CRYZL1: variants seen among roughly 807,000 people sequenced by gnomAD.
The protein encoded by CRYZL1 is ferry endosomal RAB5 effector complex subunit 4.
Under a neutral mutation model 50.6 loss-of-function variants are expected in CRYZL1, and 34 were observed. The ratio of observed to expected loss-of-function variants is 0.67; its 90% confidence interval spans 0.51 to 0.89. The LOEUF (loss-of-function observed/expected upper bound fraction) is 0.89, where lower values mean the gene tolerates loss of function less well. Ranked by LOEUF, CRYZL1 falls within the 40% of genes least tolerant of loss-of-function variation. CRYZL1 has a pLI of 0.00. For synonymous variants in CRYZL1, 125 were observed against 134.3 expected (o/e 0.93, Z 0.48); for missense variants, 354 against 402.3 (o/e 0.88, Z 1.03).
intron 4 of CRYZL1, among the ~76,000 whole-genome samples, chr21:33,617,784 A>G (rs567072883): frequency 6.6e-6 from 1 of 152,306 alleles, no homozygotes; most frequent in East Asian, 1.9e-4. Context: ...CGGTTAGGAC[A>G]GGGGTCGATC....
chr21:33,608,347 C>T (rs1317795482), intron 6 of CRYZL1, among the ~76,000 whole-genome samples: 2 of 152,000 alleles, frequency 1.3e-5, no homozygotes, highest in Non-Finnish European at 2.9e-5. Flanking sequence ...CCCAGCTACT[C>T]GGGAGGCTGA....
chr21:33,641,120 G>C, intron 1 of CRYZL1: 1 of 1,547,322 alleles, frequency 6.5e-7, no homozygotes, highest in Non-Finnish European at 8.7e-7. Context: ...GCACCTGGGA[G>C]CTTCTTAGAA....
intron 2 of CRYZL1, among the ~76,000 whole-genome samples, chr21:33,627,751 T>G (rs1010946831): frequency 4.8e-5 from 7 of 145,508 alleles, no homozygotes; most frequent in African/African-American, 7.7e-5. Context: ...TTTTTTTTTT[T>G]TTTTTTTTTT....
chr21:33,635,031 A>C (rs2087188409), intron 1 of CRYZL1, among the ~76,000 whole-genome samples: 1 of 152,038 alleles, frequency 6.6e-6, no homozygotes, highest in African/African-American at 2.4e-5. Context: ...GGGAACAAAA[A>C]TATCCTTAAA....
Position 33,631,559 on chromosome 21 carries a change from TA to T in CRYZL1, c.-6-3del. On this transcript the variant is annotated splice_region_variant and splice_polypyrimidine_tract_variant and intron_variant, in intron 1 of 12. Transcript: ENST00000381554. ...GAAATATAAGCCTTTCATAGTCACC[TA>T]AAAATAAATATATATAAATGAAATA... The T allele has an allele frequency of 6.9e-7, 1 of 1,459,182 alleles. No homozygotes were observed. The highest frequency in any genetic ancestry group is 9.1e-7 in the Non-Finnish European group (1 of 1,099,722). 90.4% of individuals were successfully genotyped at this position (1,459,182 alleles called of 1,614,324 possible).
At chr21:33,625,830 A>G (rs796234376) in intron 2 of CRYZL1, among the ~76,000 whole-genome samples, 2 of 151,966 alleles carry the variant, frequency 1.3e-5, no homozygotes, top group African/African-American at 4.8e-5. Flanking sequence ...TTAAAAATAT[A>G]ATTAAAAAAA....
At chr21:33,632,670 G>A (rs146849594) in intron 1 of CRYZL1, among the ~76,000 whole-genome samples, 125 of 152,248 alleles carry the variant, frequency 8.2e-4, no homozygotes, top group African/African-American at 2.8e-3. Flanking sequence ...GAGTCACCGC[G>A]CCCGGCTCTG....
At position 33,631,494 on chromosome 21, in the gene CRYZL1, G is replaced by A; in HGVS notation, c.58C>T (p.Gln20Ter). ...STDEEITFVF[Q>*]EKEDLPVTED... is the part of the protein sequence containing the mutation. ...TAAACATTTTTTCTTACCTTTTCTT[G>A]AAATACAAATGTTATTTCTTCATCT... The change falls in exon 2 of 13, where the codon CAA becomes TAA. Residue 20 changes from glutamine (Q) to a stop codon, truncating the protein, a stop_gained. Coordinates refer to ENST00000381554, the MANE Select transcript of CRYZL1 (RefSeq NM_145858.3). LOFTEE classifies it high-confidence loss of function. The A allele has an allele frequency of 6.6e-7, 1 of 1,520,648 alleles. No homozygotes were observed. The highest frequency in any genetic ancestry group is 8.8e-7 in the Non-Finnish European group (1 of 1,140,358). 94.2% of individuals were successfully genotyped at this position (1,520,648 alleles called of 1,614,324 possible). A position where few individuals can be genotyped will look rare whatever the true frequency, so the allele number is the denominator to read the frequency against.
chr21:33,613,427 C>G (rs1601337184), intron 6 of CRYZL1, 111 bp downstream of exon 6: 2 of 699,216 alleles, frequency 2.9e-6, no homozygotes, highest in East Asian at 5.2e-5. Flanking sequence ...GCTAATGATA[C>G]TTTATTAAGT....
chr21:33,600,065 A>G (rs1304932233), intron 8 of CRYZL1, among the ~76,000 whole-genome samples: 2 of 152,072 alleles, frequency 1.3e-5, no homozygotes, highest in South Asian at 4.1e-4. Flanking sequence ...TCAAAAATGC[A>G]CTCTATACCC....
chr21:33,638,568 A>G (rs893226758), intron 1 of CRYZL1, among the ~76,000 whole-genome samples: 1 of 152,232 alleles, frequency 6.6e-6, no homozygotes, highest in Non-Finnish European at 1.5e-5. Flanking sequence ...ATATCTCTAC[A>G]TGGTATAGTC....
chr21:33,598,696 A>G (rs2086720076), intron 9 of CRYZL1, among the ~76,000 whole-genome samples: 3 of 151,944 alleles, frequency 2.0e-5, no homozygotes. Flanking sequence ...GTCATTTGTT[A>G]CTCTAATGTC....
At chr21:33,600,422 TTCTC>T (rs144135748) in intron 8 of CRYZL1, among the ~76,000 whole-genome samples, 6,608 of 152,242 alleles carry the variant, frequency 0.043, 209 homozygotes, top group Non-Finnish European at 0.065. Context: ...TGTATTTCCT[TTCTC>T]TATCTTTCAA....
chr21:33,623,790 T>A (rs142349656), intron 3 of CRYZL1, among the ~76,000 whole-genome samples: 17 of 152,264 alleles, frequency 1.1e-4, no homozygotes, highest in African/African-American at 4.1e-4. Flanking sequence ...ACGGAGTAAA[T>A]GGACCTGCTC....
chr21:33,620,145 T>C (rs980122900), intron 4 of CRYZL1, among the ~76,000 whole-genome samples: 2 of 152,244 alleles, frequency 1.3e-5, no homozygotes, highest in Non-Finnish European at 2.9e-5. Context: ...CATTTAGCTA[T>C]GTCAGAAGAT....
chr21:33,600,884 C>T (rs2086744954), intron 8 of CRYZL1, among the ~76,000 whole-genome samples: 1 of 145,520 alleles, frequency 6.9e-6, no homozygotes, highest in Non-Finnish European at 1.5e-5. Context: ...GCCTTGGCCT[C>T]CCAAAGTGCT....
chr21:33,603,314 G>C lies in CRYZL1; in HGVS notation c.465+90C>G. On this transcript the variant is annotated intron_variant, in intron 7 of 12. Coordinates refer to ENST00000381554, the MANE Select transcript of CRYZL1 (RefSeq NM_145858.3). The stretch of plus-strand genomic sequence containing the variant: ...AGTCAATCAATAAGCTATTGGCAAA[G>C]AATTATATTAGCAAATGGATGGCTC... 1.3e-6 allele frequency: 2 copies of C among 1,492,708 alleles called. 1 individual carries two copies. The highest frequency in any genetic ancestry group is 3.8e-5 in the Admixed American group (2 of 53,308). The allele number at this position is 1,492,708 out of a possible 1,614,324, so 92.5% of individuals were successfully genotyped here. A position where few individuals can be genotyped will look rare whatever the true frequency, so the allele number is the denominator to read the frequency against.
At position 33,589,738 on chromosome 21, in the gene CRYZL1, G is replaced by T. The variant is rs751189695; in HGVS notation, c.*84C>A. 4.5e-6 allele frequency: 4 copies of T among 892,232 alleles called. No individual in the cohort carries two copies. The highest frequency in any genetic ancestry group is 1.7e-5 in the African/African-American group (1 of 59,632). 55.3% of individuals were successfully genotyped at this position (892,232 alleles called of 1,614,324 possible). A position where few individuals can be genotyped will look rare whatever the true frequency, so the allele number is the denominator to read the frequency against. The stretch of plus-strand genomic sequence containing the variant: ...AATGCAACTTGTTTTATCTTCCTTG[G>T]TTTTTCTCAACAATTTCCAAAGAAA... On this transcript the variant is annotated 3_prime_UTR_variant, in exon 13 of 13. Coordinates refer to ENST00000381554, the MANE Select transcript of CRYZL1 (RefSeq NM_145858.3).
intron 4 of CRYZL1, among the ~76,000 whole-genome samples, chr21:33,617,791 G>C (rs944631742): frequency 6.6e-6 from 1 of 152,254 alleles, no homozygotes; most frequent in South Asian, 2.1e-4. Flanking sequence ...GACAGGGGTC[G>C]ATCTTTAACC....
Sources: gnomAD v4.1 joint callset for allele counts (sites outside exome capture counted in the v4.1 genomes callset) on GRCh38, gnomAD v4.1.1 for gene constraint, MANE v1.5 for transcripts, NCBI Gene and HGNC (gene_info 2026-07-23, HGNC 2026-07-21) for gene names.